Variants in LRP2 observed in about 807,000 individuals in gnomAD.
The protein encoded by LRP2 is LDL receptor related protein 2, also known as low-density lipoprotein receptor-related protein 2.
In LRP2, 172 loss-of-function variants were observed where a neutral mutation model predicts 531.0. The observed-to-expected ratio is 0.32, with a 90% CI of 0.29 to 0.37. LRP2 has a LOEUF of 0.37. Ranked by LOEUF, LRP2 falls within the 10% of genes least tolerant of loss-of-function variation. The pLI is 1.00. For synonymous variants in LRP2, 1,992 were observed against 2,027.6 expected, an observed-to-expected ratio of 0.98 and a Z score of 0.47; for missense variants, 5,167 against 5,868.3, an observed-to-expected ratio of 0.88 and a Z score of 3.90.
intron 3 of LRP2, among the ~76,000 whole-genome samples, chr2:169,307,816 G>T (rs1684467206): frequency 6.6e-6 from 1 of 152,098 alleles, no homozygotes; most frequent in African/African-American, 2.4e-5. Flanking sequence ...ATGAATATGA[G>T]TGATTTTATT....
At chr2:169,283,923 G>A (rs1255773614) in intron 9 of LRP2, among the ~76,000 whole-genome samples, 1 of 152,150 alleles carries the variant, frequency 6.6e-6, no homozygotes, top group African/African-American at 2.4e-5. Flanking sequence ...TAAGGCTTCA[G>A]GGGTGCAGAA....
At chr2:169,197,221 G>A (rs1448741149) in intron 45 of LRP2, among the ~76,000 whole-genome samples, 191 bp from the exon 46 acceptor site, 1 of 151,582 alleles carries the variant, frequency 6.6e-6, no homozygotes, top group African/African-American at 2.4e-5. Context: ...AGTCAATCCT[G>A]CCCCAATTCC....
intron 53 of LRP2, 45 bp from the exon 54 acceptor site, chr2:169,176,633 G>T: frequency 1.3e-6 from 2 of 1,556,016 alleles, no homozygotes; most frequent in Non-Finnish European, 1.8e-6. Flanking sequence ...CTGAAAGAGA[G>T]TATCAAGCAC....
rs777981414 is a variant in LRP2, at chr2:169,212,202, C to T, written c.6046G>A (p.Ala2016Thr). Residue 2016 changes from alanine (A) to threonine (T), a missense_variant, in exon 37 of 79, where the codon GCC (alanine) becomes ACC (threonine). Around this residue, in one of 6 missense-constraint regions of LRP2, gnomAD observed 2,811 missense variants for 3,058.0 expected, o/e 0.92. Coordinates refer to ENST00000649046, the MANE Select transcript of LRP2 (RefSeq NM_004525.3). ...GLQVYHRRNA[A>T]ESSNGCSNNM... is the part of the protein sequence containing the mutation. ...TTGCTACAGCCATTTGAGGATTCGG[C>T]GGCATCTAAATGAAAACAAAATCCA... 1.2e-5 allele frequency: 20 copies of T among 1,613,940 alleles called. No individual in the cohort carries two copies. Among genetic ancestry groups the T allele is most frequent in the South Asian group, 2.2e-5 (2 of 91,072 alleles).
intron 1 of LRP2, among the ~76,000 whole-genome samples, chr2:169,356,073 G>A (rs1685979081): frequency 6.6e-6 from 1 of 152,008 alleles, no homozygotes; most frequent in Non-Finnish European, 1.5e-5. Context: ...TGTATTTTTT[G>A]TAGAGATGGA....
Position 169,292,267 on chromosome 2 carries a change from T to G in LRP2, c.755A>C (p.Asp252Ala). The G allele has an allele frequency of 6.2e-7, 1 of 1,611,312 alleles. No individual in the cohort carries two copies. Among genetic ancestry groups the G allele is most frequent in the Non-Finnish European group, 8.5e-7 (1 of 1,177,452 alleles). ...CCCCTCCTTACCACATCCATCTTCA[T>G]CTCCATTATCTTTACAGTCATCTTC... ...DGEDDCKDNGDEDGCESGPHD... is the reference protein window; with the variant it reads ...DGEDDCKDNGAEDGCESGPHD... The change falls in exon 7 of 79, where the codon GAT (aspartate) becomes GCT (alanine). Residue 252 changes from aspartate to alanine, a missense_variant. By Grantham distance (126) the Asp-to-Ala change is moderately radical (BLOSUM62 -2). Transcript: ENST00000649046.
rs537502183 is a variant in LRP2 at position 169,134,256 on chromosome 2, C to G, written c.13621-1575G>C. Among the ~76,000 whole-genome samples the G allele has an allele frequency of 3.3e-5, 5 of 152,282 alleles. No individual in the cohort carries two copies. The East Asian group carries it at 9.6e-4, about 29-fold the overall frequency. On this transcript the variant is annotated intron_variant, in intron 76 of 78. Transcript: ENST00000649046. Reference sequence around the variant, plus strand: ...AATCACAAACTATGCTCAACTCACTCTCTACAGTTCTCATAACTTCCAAAA... The same window carrying G: ...AATCACAAACTATGCTCAACTCACTGTCTACAGTTCTCATAACTTCCAAAA...
chr2:169,159,241 C>T (rs562405743), intron 63 of LRP2, among the ~76,000 whole-genome samples: 7 of 152,220 alleles, frequency 4.6e-5, no homozygotes, highest in African/African-American at 1.7e-4. Context: ...GCCAAAGAGA[C>T]TGTGGTATCT....
At position 169,243,068 on chromosome 2, in the gene LRP2, T is replaced by G. The variant is rs1441839917; in HGVS notation, c.3555A>C (p.Leu1185Phe). 1.2e-6 allele frequency: 2 copies of G among 1,603,670 alleles called. No homozygotes were observed. Among genetic ancestry groups the G allele is most frequent in the Non-Finnish European group, 1.7e-6 (2 of 1,170,550 alleles). ...VDGSDEVGCV[L>F]NCTASQFKCA... ...ACTTGAATTGAGAAGCAGTACAGTT[T>G]AATACTAAGAATGAAAGAGAAAAGC... Residue 1185 changes from leucine (L) to phenylalanine (F), a missense_variant, in exon 24 of 79, where the codon TTA becomes TTC. Physicochemically the swap from Leu to Phe is conservative, Grantham distance 22. Transcript: ENST00000649046.
Position 169,193,903 on chromosome 2 carries a change from C to G in LRP2, c.8699-11G>C, listed in dbSNP as rs1380268990. On this transcript the variant is annotated splice_polypyrimidine_tract_variant and intron_variant, in intron 46 of 78. Coordinates refer to ENST00000649046, the MANE Select transcript of LRP2 (RefSeq NM_004525.3). ...TTCGCTCAGAGTGACCTGAAAAGAT[C>G]AATAGCATTCTCAGTGAAAAAAAGT... 6.2e-7 allele frequency: 1 copy of G among 1,614,026 alleles called. No homozygotes were observed. Among genetic ancestry groups the G allele is most frequent in the Admixed American group, 1.7e-5 (1 of 60,012 alleles).
chr2:169,286,088 A>G (rs377604545), intron 9 of LRP2, among the ~76,000 whole-genome samples: 1 of 152,322 alleles, frequency 6.6e-6, no homozygotes, highest in East Asian at 1.9e-4. Context: ...TCCTAACGTC[A>G]TGTATTTAAA....
intron 9 of LRP2, among the ~76,000 whole-genome samples, chr2:169,285,507 TC>T (rs1183361881): frequency 6.6e-6 from 1 of 152,052 alleles, no homozygotes; most frequent in East Asian, 1.9e-4. Context: ...TACTTTACAA[TC>T]CCCCTCTCAC....
chr2:169,280,219 T>A, intron 11 of LRP2, 131 bp downstream of exon 11: 1 of 943,466 alleles, frequency 1.1e-6, no homozygotes, highest in Non-Finnish European at 1.6e-6. Flanking sequence ...AGGTGCTGAT[T>A]AACATAAAAT....
At chr2:169,139,192 A>G (rs1013315002) in intron 74 of LRP2, 59 bp downstream of exon 74, 18 of 1,613,162 alleles carry the variant, frequency 1.1e-5, no homozygotes, top group Non-Finnish European at 1.5e-5. Flanking sequence ...AGTCCTTCAC[A>G]TGGCTTCATA....
chr2:169,182,456 G>A (rs1687476163), intron 50 of LRP2, 137 bp from the exon 51 acceptor site: 1 of 1,557,660 alleles, frequency 6.4e-7, no homozygotes, highest in Non-Finnish European at 8.6e-7. Context: ...GCAAATGAGG[G>A]CAGGGGAAAA....
intron 1 of LRP2, among the ~76,000 whole-genome samples, chr2:169,331,085 T>C (rs1685252223): frequency 6.6e-6 from 1 of 152,038 alleles, no homozygotes; most frequent in South Asian, 2.1e-4. Context: ...CGTCCACAGG[T>C]CTACCCCTTC....
At chr2:169,226,138 G>A (rs1689192906) in intron 32 of LRP2, among the ~76,000 whole-genome samples, 1 of 152,200 alleles carries the variant, frequency 6.6e-6, no homozygotes, top group African/African-American at 2.4e-5. Context: ...GTAATTCAGT[G>A]CAGGGCAAAT....
At chr2:169,296,773 A>G (rs1684145032) in intron 4 of LRP2, among the ~76,000 whole-genome samples, 1 of 152,174 alleles carries the variant, frequency 6.6e-6, no homozygotes, top group Non-Finnish European at 1.5e-5. Context: ...GAAAATTGAA[A>G]GGGGAAAGAT....
chr2:169,343,566 A>G (rs192087803), intron 1 of LRP2, among the ~76,000 whole-genome samples: 23 of 152,334 alleles, frequency 1.5e-4, no homozygotes, highest in Non-Finnish European at 2.9e-5. Context: ...AAATATTCCC[A>G]GGTACCTATA....
Sources: gnomAD v4.1 joint callset for allele counts (sites outside exome capture counted in the v4.1 genomes callset) on GRCh38, gnomAD v4.1.1 for gene constraint, gnomAD v4.1.1 regional missense constraint, MANE v1.5 for transcripts, NCBI Gene and HGNC (gene_info 2026-07-23, HGNC 2026-07-21) for gene names.